TCERG1: variants seen among roughly 807,000 people sequenced by gnomAD.
The protein encoded by TCERG1 is transcription elongation regulator 1, also known as TATA box binding protein (TBP)-associated factor, RNA polymerase II, S, 150kD.
A neutral mutation model predicts 144.7 loss-of-function variants in TCERG1; 37 were observed. That is an observed-to-expected ratio of 0.26 (90% CI 0.20 to 0.34). The LOEUF (loss-of-function observed/expected upper bound fraction) is 0.34. Ranked by LOEUF, TCERG1 falls within the 10% of genes least tolerant of loss-of-function variation. The pLI, the probability that TCERG1 is intolerant of heterozygous loss-of-function variation, is 1.00. For missense variants in TCERG1, 1,027 were observed against 1,380.7 expected, an observed-to-expected ratio of 0.74 and a Z score of 4.06; for synonymous variants, 492 against 458.2, an observed-to-expected ratio of 1.07 and a Z score of -0.94.
chr5:146,463,418 C>T, intron 4 of TCERG1, 133 bp from the exon 5 acceptor site: 1 of 1,320,804 alleles, frequency 7.6e-7, no homozygotes, highest in East Asian at 2.3e-5. Flanking sequence ...AAGATAAGAC[C>T]TTTTGACAAA....
chr5:146,463,402 T>C, intron 4 of TCERG1, 149 bp from the exon 5 acceptor site: 1 of 1,088,602 alleles, frequency 9.2e-7, no homozygotes, highest in East Asian at 2.4e-5. Context: ...ATTTTCAAGC[T>C]TCTTGAAGAT....
At chr5:146,463,913 G>A (rs2150323530) in intron 5 of TCERG1, 120 bp downstream of exon 5, 1 of 1,393,912 alleles carries the variant, frequency 7.2e-7, no homozygotes, top group Middle Eastern at 1.8e-4. Context: ...AAACGTTTTT[G>A]AAAGATTCAT....
At chr5:146,499,207 TG>T (rs977774118) in intron 17 of TCERG1, among the ~76,000 whole-genome samples, 4 of 152,284 alleles carry the variant, frequency 2.6e-5, no homozygotes, top group African/African-American at 9.6e-5. Flanking sequence ...AGCTTACCAC[TG>T]GGGAGGAAAA....
intron 13 of TCERG1, chr5:146,482,281 CT>C (rs34057709): frequency 0.15 from 24,456 of 162,176 alleles, 2,542 homozygotes; most frequent in East Asian, 0.69. Context: ...CAGTGTTAAA[CT>C]TTTTTTTTTT....
chr5:146,491,904 T>C (rs1321643644), intron 15 of TCERG1, among the ~76,000 whole-genome samples: 2 of 152,184 alleles, frequency 1.3e-5, no homozygotes, highest in African/African-American at 4.8e-5. Context: ...ATGGAAATAC[T>C]GTCATTTGAA....
At chr5:146,449,599 T>C (rs1445332918) in intron 1 of TCERG1, among the ~76,000 whole-genome samples, 2 of 152,214 alleles carry the variant, frequency 1.3e-5, no homozygotes, top group East Asian at 3.8e-4. Flanking sequence ...GTCTTTAGCA[T>C]TGGGGAGATT....
chr5:146,472,743 T>G (rs915515739), intron 9 of TCERG1, among the ~76,000 whole-genome samples: 2 of 117,968 alleles, frequency 1.7e-5, no homozygotes, highest in Admixed American at 1.7e-4. Flanking sequence ...AGACGGAGTC[T>G]TGCTCTGTCG....
At chr5:146,467,115 A>G (rs1763864673) in intron 5 of TCERG1, among the ~76,000 whole-genome samples, 1 of 152,186 alleles carries the variant, frequency 6.6e-6, no homozygotes, top group African/African-American at 2.4e-5. Context: ...TTAAAAGTTA[A>G]TAGAAAGTTT....
At chr5:146,491,281 G>A (rs1211269204) in intron 15 of TCERG1, among the ~76,000 whole-genome samples, 2 of 151,736 alleles carry the variant, frequency 1.3e-5, no homozygotes, top group Non-Finnish European at 2.9e-5. Flanking sequence ...GCCACTGCCC[G>A]GCCTATTTGG....
intron 16 of TCERG1, among the ~76,000 whole-genome samples, chr5:146,496,993 G>A (rs1316325658): frequency 2.0e-5 from 3 of 148,564 alleles, no homozygotes; most frequent in Non-Finnish European, 4.4e-5. Flanking sequence ...TCAGCCTCCT[G>A]AGTAGCTGGG....
chr5:146,477,631 A>G (rs1431771637), intron 9 of TCERG1, among the ~76,000 whole-genome samples: 1 of 149,266 alleles, frequency 6.7e-6, no homozygotes, highest in East Asian at 2.0e-4. Flanking sequence ...AACAGGACCA[A>G]TGGCTTGTAG....
intron 17 of TCERG1, among the ~76,000 whole-genome samples, chr5:146,499,036 T>G (rs1767192439): frequency 1.3e-5 from 2 of 152,254 alleles, no homozygotes; most frequent in Admixed American, 1.3e-4. Context: ...AAAAAGCTTC[T>G]TTATCTTTTT....
intron 15 of TCERG1, among the ~76,000 whole-genome samples, chr5:146,487,553 A>G (rs931079537): frequency 8.6e-5 from 13 of 152,028 alleles, no homozygotes; most frequent in Admixed American, 5.2e-4. Context: ...TGAGACTGTC[A>G]TAGTGAGATC....
At chr5:146,484,254 A>C (rs1765625956) in intron 15 of TCERG1, among the ~76,000 whole-genome samples, 1 of 152,122 alleles carries the variant, frequency 6.6e-6, no homozygotes, top group African/African-American at 2.4e-5. Flanking sequence ...GTCCCTGTTG[A>C]ATTAGTGTTG....
chr5:146,476,997 C>T (rs369577437), intron 9 of TCERG1, among the ~76,000 whole-genome samples: 1 of 152,194 alleles, frequency 6.6e-6, no homozygotes, highest in African/African-American at 2.4e-5. Context: ...CTGCTGGCTT[C>T]GAGTGATCCT....
intron 22 of TCERG1, among the ~76,000 whole-genome samples, chr5:146,509,818 C>T: frequency 6.6e-6 from 1 of 152,126 alleles, no homozygotes; most frequent in East Asian, 1.9e-4. Context: ...ATCAGGAAAA[C>T]AATTTCGCAT....
chr5:146,466,778 A>G (rs1453105824), intron 5 of TCERG1, among the ~76,000 whole-genome samples: 8 of 152,222 alleles, frequency 5.3e-5, no homozygotes, highest in Non-Finnish European at 1.2e-4. Context: ...CTGATTTTTA[A>G]TAATGGTGGT....
At chr5:146,451,273 A>G (rs556686086) in intron 1 of TCERG1, among the ~76,000 whole-genome samples, 2 of 151,378 alleles carry the variant, frequency 1.3e-5, no homozygotes, top group East Asian at 1.9e-4. Flanking sequence ...GGGGATGCAT[A>G]TAATTTGAAA....
intron 16 of TCERG1, among the ~76,000 whole-genome samples, chr5:146,497,906 G>A (rs967395310): frequency 6.6e-6 from 1 of 151,974 alleles, no homozygotes; most frequent in Non-Finnish European, 1.5e-5. Context: ...TACACAACTT[G>A]GCCTTAGCTG....
Sources: allele counts gnomAD v4.1 joint callset (sites outside exome capture counted in the v4.1 genomes callset), GRCh38; gene constraint gnomAD v4.1.1; transcripts MANE v1.5; gene names NCBI Gene and HGNC (gene_info 2026-07-23, HGNC 2026-07-21).